The following TNIK variants were observed in gnomAD, a reference collection of about 807,000 sequenced individuals.
TNIK encodes TRAF2 and NCK interacting kinase.
Under a neutral mutation model 191.3 loss-of-function variants are expected in TNIK, and 49 were observed. The observed-to-expected ratio is 0.26, with a 90% CI of 0.20 to 0.32. The LOEUF is 0.32. TNIK is among the 10% of genes least tolerant of loss of function. The pLI is 1.00. For synonymous variants in TNIK, 594 were observed against 600.9 expected (o/e 0.99, Z 0.17); for missense variants, 1,155 against 1,702.3 (o/e 0.68, Z 5.66).
chr3:171,141,812 G>A (rs1217416676), intron 12 of TNIK, among the ~76,000 whole-genome samples: 1 of 152,198 alleles, frequency 6.6e-6, no homozygotes, highest in Non-Finnish European at 1.5e-5. Flanking sequence ...GTTCAGAGGG[G>A]ACATACCAGG....
intron 22 of TNIK, among the ~76,000 whole-genome samples, chr3:171,099,636 A>T (rs992086634): frequency 6.6e-6 from 1 of 152,258 alleles, no homozygotes; most frequent in Admixed American, 6.5e-5. Context: ...CTACATGAAG[A>T]TGCAGGAATA....
intron 2 of TNIK, among the ~76,000 whole-genome samples, chr3:171,294,999 C>T (rs1752102877): frequency 7.7e-6 from 1 of 130,560 alleles, no homozygotes; most frequent in African/African-American, 2.8e-5. Context: ...ATAGGTCTGG[C>T]CAGGGAAGAG....
intron 18 of TNIK, among the ~76,000 whole-genome samples, chr3:171,121,592 C>T (rs1432940498): frequency 6.6e-6 from 1 of 152,200 alleles, no homozygotes; most frequent in African/African-American, 2.4e-5. Flanking sequence ...CACGAGTGAG[C>T]CCAGGCGAGA....
chr3:171,278,650 G>A (rs972658172), intron 2 of TNIK, among the ~76,000 whole-genome samples: 2 of 152,118 alleles, frequency 1.3e-5, no homozygotes, highest in Admixed American at 6.5e-5. Flanking sequence ...GTCTGCTAAG[G>A]AAACCATTAA....
At chr3:171,068,750 G>A (rs1718788403) in intron 30 of TNIK, 98 bp downstream of exon 30, 1 of 1,215,006 alleles carries the variant, frequency 8.2e-7, no homozygotes, top group Non-Finnish European at 1.1e-6. Flanking sequence ...GGTTAGTAAA[G>A]TGTGCATGAC....
At chr3:171,242,647 T>C (rs563173738) in intron 2 of TNIK, among the ~76,000 whole-genome samples, 1 of 152,294 alleles carries the variant, frequency 6.6e-6, no homozygotes, top group Admixed American at 6.5e-5. Context: ...AATAACTGAA[T>C]TGCTGGATTT....
chr3:171,137,477 C>T (rs1730194486), intron 15 of TNIK, among the ~76,000 whole-genome samples: 1 of 152,144 alleles, frequency 6.6e-6, no homozygotes. Context: ...CACAGTGACT[C>T]CCTGGAAAGG....
intron 9 of TNIK, among the ~76,000 whole-genome samples, chr3:171,173,068 G>C (rs766168474): frequency 1.3e-5 from 2 of 151,990 alleles, no homozygotes; most frequent in African/African-American, 4.8e-5. Flanking sequence ...AAAAGGGGTG[G>C]TGTAGACCAT....
chr3:171,173,062 G>A (rs1024833124), intron 9 of TNIK, among the ~76,000 whole-genome samples: 1 of 152,034 alleles, frequency 6.6e-6, no homozygotes, highest in Non-Finnish European at 1.5e-5. Flanking sequence ...GTCACAAAAA[G>A]GGGTGGTGTA....
At chr3:171,249,661 A>G (rs1397310867) in intron 2 of TNIK, among the ~76,000 whole-genome samples, 1 of 152,222 alleles carries the variant, frequency 6.6e-6, no homozygotes, top group African/African-American at 2.4e-5. Flanking sequence ...ACAAATGTCA[A>G]ATTTGCTGCC....
intron 1 of TNIK, among the ~76,000 whole-genome samples, chr3:171,440,940 G>A (rs550089664): frequency 6.6e-6 from 1 of 152,108 alleles, no homozygotes; most frequent in Non-Finnish European, 1.5e-5. Context: ...CTCTACAGGA[G>A]GAATAAGTTA....
chr3:171,433,095 T>G (rs1371590574), intron 1 of TNIK, among the ~76,000 whole-genome samples: 1 of 152,158 alleles, frequency 6.6e-6, no homozygotes, highest in Admixed American at 6.6e-5. Flanking sequence ...AATGGGGACA[T>G]TAAAGGATTC....
intron 2 of TNIK, among the ~76,000 whole-genome samples, chr3:171,365,473 C>T (rs1000616905): frequency 3.3e-5 from 5 of 151,874 alleles, no homozygotes; most frequent in African/African-American, 4.8e-5. Flanking sequence ...TGAGCCACCG[C>T]GCCCGGCCCA....
In TNIK at chr3:171,140,499, C is replaced by T. The variant is rs202164288; in HGVS notation, c.1232G>A (p.Arg411Gln). Residue 411 changes from arginine (R) to glutamine (Q), a missense_variant, in exon 13 of 33, where the codon CGA becomes CAA. This residue lies in a region of TNIK where 735 missense variants were observed against 848.0 expected (regional missense o/e 0.87). Coordinates refer to ENST00000436636, the MANE Select transcript of TNIK (RefSeq NM_015028.4). ...CTGCTGCTTCCGCAGCTCCTTCTCT[C>T]GCCTTTGTTGCTGTGGGGCAACAAG... ...QRRRLEEQQR[R>Q]EKELRKQQER... 9.3e-6 allele frequency: 15 copies of T among 1,613,328 alleles called. No homozygotes were observed. Among genetic ancestry groups the T allele is most frequent in the South Asian group, 2.2e-5 (2 of 91,084 alleles).
chr3:171,254,709 G>T (rs1338199648), intron 2 of TNIK, among the ~76,000 whole-genome samples: 1 of 152,096 alleles, frequency 6.6e-6, no homozygotes, highest in Non-Finnish European at 1.5e-5. Flanking sequence ...ACATATAAGG[G>T]CTAAATGGAA....
intron 2 of TNIK, among the ~76,000 whole-genome samples, chr3:171,314,331 G>A (rs751230120): frequency 2.6e-5 from 4 of 152,126 alleles, no homozygotes; most frequent in African/African-American, 7.2e-5. Context: ...TGAGACCTTT[G>A]ACTGGCACCT....
intron 1 of TNIK, among the ~76,000 whole-genome samples, chr3:171,428,202 G>A (rs1053451130): frequency 3.3e-5 from 5 of 152,156 alleles, no homozygotes; most frequent in Admixed American, 6.6e-5. Context: ...AGATGAGTTC[G>A]GAGACTTTCA....
intron 26 of TNIK, among the ~76,000 whole-genome samples, chr3:171,082,859 G>T (rs1327605460): frequency 6.6e-6 from 1 of 152,104 alleles, no homozygotes; most frequent in Non-Finnish European, 1.5e-5. Flanking sequence ...TGGAAGAAAG[G>T]CCCTTCCTCC....
At chr3:171,318,511 T>G (rs1049375531) in intron 2 of TNIK, among the ~76,000 whole-genome samples, 11 of 152,184 alleles carry the variant, frequency 7.2e-5, no homozygotes, top group Non-Finnish European at 7.3e-5. Context: ...ATCTAGCTCT[T>G]ATAAGGAAAT....
Sources: gnomAD v4.1 joint callset for allele counts (sites outside exome capture counted in the v4.1 genomes callset) on GRCh38, gnomAD v4.1.1 for gene constraint, gnomAD v4.1.1 regional missense constraint, MANE v1.5 for transcripts, NCBI Gene and HGNC (gene_info 2026-07-23, HGNC 2026-07-21) for gene names.